The following FHIP2B variants were observed in gnomAD, a reference collection of about 807,000 sequenced individuals.
FHIP2B encodes the protein FHF complex subunit HOOK interacting protein 2B, also known as FHF complex subunit HOOK-interacting protein 2B.
FHIP2B carries 72 observed loss-of-function variants against 84.0 expected under a neutral mutation model. The ratio of observed to expected loss-of-function variants is 0.86; its 90% CI spans 0.71 to 1.04. FHIP2B has a LOEUF of 1.04. Ranked by LOEUF, FHIP2B falls within the 50% of genes least tolerant of loss-of-function variation. The pLI, the probability that FHIP2B is intolerant of heterozygous loss-of-function variation, is 0.00. For missense variants in FHIP2B, 972 were observed against 968.9 expected (o/e 1.00, Z -0.04); for synonymous variants, 497 against 418.7 (o/e 1.19, Z -2.28).
rs1337744694 is a variant in FHIP2B at position 22,101,049 on chromosome 8, T to C, written c.1616+77T>C. ...TTTATTTTTTGAGATAGAGTCTCGC[T>C]CCGTCACCCAGGATGGAGTGCAGTG... On this transcript the variant is annotated intron_variant, in intron 12 of 16. Transcript: ENST00000289921. 3 of 1,506,742 alleles carry C rather than the reference T, an allele frequency of 2.0e-6. No homozygotes were observed. The East Asian group carries it at 7.4e-5, about 37-fold the overall frequency. The allele number at this position is 1,506,742 out of a possible 1,614,324, so 93.3% of individuals were successfully genotyped here.
At position 22,104,862 on chromosome 8, in the gene FHIP2B, G is replaced by A. The variant is rs1339322456; in HGVS notation, c.*1931G>A. On this transcript the variant is annotated 3_prime_UTR_variant, in exon 17 of 17. Coordinates refer to ENST00000289921, the MANE Select transcript of FHIP2B (RefSeq NM_022749.7). ...AAAAAAAAAAAAATTTCACAGGTGT[G>A]TTCTCAGGGAAAAAGAAAAGTTAAC... 6.8e-6 allele frequency: 1 copy of A among 147,080 alleles called. No individual in the cohort carries two copies. The highest frequency in any genetic ancestry group is 1.5e-5 in the Non-Finnish European group (1 of 66,608). The allele number at this position is 147,080 out of a possible 1,614,324, so 9.1% of individuals were successfully genotyped here.
intron 1 of FHIP2B, 127 bp downstream of exon 1, chr8:22,089,425 G>A: frequency 5.0e-6 from 2 of 397,676 alleles, no homozygotes; most frequent in Non-Finnish European, 6.8e-6. Context: ...AGGGACCCCC[G>A]GGCCGCGGCG....
At chr8:22,095,674 CT>C (rs2131697691) in intron 2 of FHIP2B, 2 of 152,366 alleles carry the variant, frequency 1.3e-5, no homozygotes, top group East Asian at 3.9e-4. Flanking sequence ...CCTACTCAAG[CT>C]CCTGTTCCTT....
Position 22,100,830 on chromosome 8 carries a change from T to C in FHIP2B, c.1488-14T>C, listed in dbSNP as rs1485394583. 3 of 1,613,736 alleles carry C rather than the reference T, an allele frequency of 1.9e-6. No individual in the cohort carries two copies. Among genetic ancestry groups the C allele is most frequent in the Non-Finnish European group, 2.5e-6 (3 of 1,179,898 alleles). ...TTCATTCACTGGTGCCGTACTGCTCTGCCCTGGCCACAGAGACCTGGAGGA... is the reference window on the plus strand; with the variant it reads ...TTCATTCACTGGTGCCGTACTGCTCCGCCCTGGCCACAGAGACCTGGAGGA... On this transcript the variant is annotated splice_polypyrimidine_tract_variant and intron_variant, in intron 11 of 16. Transcript: ENST00000289921.
rs746189954 is a variant in FHIP2B at position 22,102,771 on chromosome 8, C to T, written c.2094-22C>T. The T allele has an allele frequency of 6.8e-6, 11 of 1,611,674 alleles. No homozygotes were observed. The Admixed American group carries it at 1.8e-4, about 27-fold the overall frequency. On this transcript the variant is annotated intron_variant, in intron 16 of 16. Coordinates refer to ENST00000289921, the MANE Select transcript of FHIP2B (RefSeq NM_022749.7). ...CAGTCCTGCCCCCACCCAGCCATGC[C>T]CCCTGTGCCATCTCCCCTCAGGCTG...
intron 1 of FHIP2B, chr8:22,089,773 C>T: frequency 7.8e-7 from 1 of 1,285,748 alleles, no homozygotes; most frequent in Non-Finnish European, 1.0e-6. Context: ...AACTCCAGGA[C>T]CTTGTTGGGG....
At position 22,098,193 on chromosome 8, in the gene FHIP2B, G is replaced by C; in HGVS notation, c.651G>C (p.Gly217=). The change falls in exon 6 of 17, where the codon GGG becomes GGC. Residue 217 remains glycine, a synonymous_variant. Transcript: ENST00000289921. ...CTCCTGCCAGGCCCCAGCTGGACGG[G>C]GAGTCCTGTGGGGCCCAGGCCTTGA... ...DGAPARPQLD[G]ESCGAQALNS... 1.3e-6 allele frequency: 2 copies of C among 1,578,558 alleles called. No individual in the cohort carries two copies. Among genetic ancestry groups the C allele is most frequent in the Non-Finnish European group, 1.7e-6 (2 of 1,162,838 alleles).
chr8:22,102,398 G>T, intron 15 of FHIP2B, 83 bp downstream of exon 15: 3 of 1,450,642 alleles, frequency 2.1e-6, no homozygotes, highest in Non-Finnish European at 2.8e-6. Flanking sequence ...GTGGTTGGGG[G>T]CTGGAGGGGT....
Position 22,101,133 on chromosome 8 carries a change from G to A in FHIP2B, c.1616+161G>A. The A allele has an allele frequency of 6.6e-6, 6 of 909,102 alleles. No individual in the cohort carries two copies. The South Asian group carries it at 8.8e-5, about 13-fold the overall frequency. 56.3% of individuals were successfully genotyped at this position (909,102 alleles called of 1,614,324 possible). The stretch of plus-strand genomic sequence containing the variant: ...CGGGTTCCGGATCCAAGCGATTCCT[G>A]TGCCTCAGCCTCCCGAGTACCTGGG... On this transcript the variant is annotated intron_variant, in intron 12 of 16. Coordinates refer to ENST00000289921, the MANE Select transcript of FHIP2B (RefSeq NM_022749.7).
chr8:22,099,295 C>G lies in FHIP2B; in HGVS notation c.1086C>G (p.Asp362Glu). 2.5e-6 allele frequency: 4 copies of G among 1,613,722 alleles called. No individual in the cohort carries two copies. The highest frequency in any genetic ancestry group is 3.4e-6 in the Non-Finnish European group (4 of 1,179,836). ...LITEAHTVVA[D>E]ALAKAVAENF... ...TCTCTGGCACCCAGGTGGTTGCGGACGCCTTGGCGAAGGCTGTGGCTGAGA... is the reference window on the plus strand; with the variant it reads ...TCTCTGGCACCCAGGTGGTTGCGGAGGCCTTGGCGAAGGCTGTGGCTGAGA... The change falls in exon 9 of 17, where the codon GAC becomes GAG. Residue 362 changes from aspartate to glutamate, a missense_variant. Transcript: ENST00000289921.
chr8:22,101,732 G>A lies in FHIP2B; in HGVS notation c.1732G>A (p.Ala578Thr), dbSNP rs1269931842. ...GLFQECSSRV[A>T]SWGWPLTPTP... Reference sequence around the variant, plus strand: ...GTTCCAGGAGTGCAGCTCCCGCGTCGCCTCCTGGGGCTGGCCTCTGACCCC... The same window carrying A: ...GTTCCAGGAGTGCAGCTCCCGCGTCACCTCCTGGGGCTGGCCTCTGACCCC... Residue 578 changes from alanine (A) to threonine (T), a missense_variant, in exon 14 of 17, where the codon GCC (alanine) becomes ACC (threonine). Physicochemically the swap from Ala to Thr is moderately conservative, Grantham distance 58 (BLOSUM62 0). Transcript: ENST00000289921. 8 of 1,612,410 alleles carry A rather than the reference G, an allele frequency of 5.0e-6. No homozygotes were observed. The highest frequency in any genetic ancestry group is 2.2e-5 in the South Asian group (2 of 90,842).
At chr8:22,100,144 C>A (rs1586340238) in intron 10 of FHIP2B, 1 of 473,836 alleles carries the variant, frequency 2.1e-6, no homozygotes, top group East Asian at 4.1e-5. Flanking sequence ...TCATAACTCA[C>A]TGCAGTCTCC....
rs975145305 is a variant in FHIP2B, at chr8:22,102,838, G to A, written c.2139G>A (p.Glu713=). The A allele has an allele frequency of 5.6e-6, 9 of 1,613,624 alleles. No homozygotes were observed. The African/African-American group carries it at 6.7e-5, about 12-fold the overall frequency. ...TLLQGVVVLE[E]FCKELAAIAF... is the part of the protein sequence containing the mutation. ...TCCAGGGCGTGGTGGTGCTGGAGGAGTTCTGCAAGGAGCTGGCTGCCATTG... is the reference window on the plus strand; with the variant it reads ...TCCAGGGCGTGGTGGTGCTGGAGGAATTCTGCAAGGAGCTGGCTGCCATTG... The change falls in exon 17 of 17, where the codon GAG becomes GAA. Residue 713 remains glutamate (E), a synonymous_variant. Coordinates refer to ENST00000289921, the MANE Select transcript of FHIP2B (RefSeq NM_022749.7).
Position 22,098,196 on chromosome 8 carries a change from G to C in FHIP2B, c.654G>C (p.Glu218Asp), listed in dbSNP as rs1408837212. 12 of 1,579,254 alleles carry C rather than the reference G, an allele frequency of 7.6e-6. No homozygotes were observed. The highest frequency in any genetic ancestry group is 1.0e-5 in the Non-Finnish European group (12 of 1,163,272). The stretch of plus-strand genomic sequence containing the variant: ...CTGCCAGGCCCCAGCTGGACGGGGA[G>C]TCCTGTGGGGCCCAGGCCTTGAACA... Reference protein sequence around the residue: ...GAPARPQLDGESCGAQALNSH... With the variant: ...GAPARPQLDGDSCGAQALNSH... Residue 218 changes from glutamate (E) to aspartate (D), a missense_variant, in exon 6 of 17, where the codon GAG becomes GAC. Physicochemically the swap from Glu to Asp is conservative, Grantham distance 45. Coordinates refer to ENST00000289921, the MANE Select transcript of FHIP2B (RefSeq NM_022749.7).
intron 10 of FHIP2B, 171 bp downstream of exon 10, chr8:22,100,064 CTTT>C (rs33935872): frequency 0.037 from 17,573 of 479,014 alleles, no homozygotes; most frequent in East Asian, 0.082. Context: ...TGATCATATA[CTTT>C]TTTTTTTTTT....
At chr8:22,102,351 G>A in intron 15 of FHIP2B, 36 bp downstream of exon 15, 1 of 1,607,486 alleles carries the variant, frequency 6.2e-7, no homozygotes, top group Non-Finnish European at 8.5e-7. Flanking sequence ...TGTGCCTAGT[G>A]AGGTGGAGGG....
At chr8:22,092,270 C>T (rs978408543) in intron 1 of FHIP2B, among the ~76,000 whole-genome samples, 14 of 152,186 alleles carry the variant, frequency 9.2e-5, no homozygotes, top group African/African-American at 3.4e-4. Context: ...GATGAGTCTT[C>T]CGAAAACACT....
chr8:22,102,621 G>T lies in FHIP2B; in HGVS notation c.2086G>T (p.Gly696Trp). ...CAAGCAGTTGACGGGCCAGGCTCCT[G>T]GGGAGCAGTGAGTACCAAGGGTGCC... ...VRKQLTGQAP[G>W]EQLDHQTLLQ... Residue 696 changes from glycine to tryptophan, a missense_variant, in exon 16 of 17, where the codon GGG becomes TGG. Coordinates refer to ENST00000289921, the MANE Select transcript of FHIP2B (RefSeq NM_022749.7). The T allele has an allele frequency of 6.4e-7, 1 of 1,562,632 alleles. No individual in the cohort carries two copies. Among genetic ancestry groups the T allele is most frequent in the South Asian group, 1.2e-5 (1 of 84,964 alleles).
intron 10 of FHIP2B, 182 bp downstream of exon 10, chr8:22,100,075 T>G: frequency 1.5e-6 from 1 of 646,478 alleles, no homozygotes; most frequent in Non-Finnish European, 2.4e-6. Flanking sequence ...TTTTTTTTTT[T>G]TTTTTTAAAG....
Sources: allele counts gnomAD v4.1 joint callset (sites outside exome capture counted in the v4.1 genomes callset), GRCh38; gene constraint gnomAD v4.1.1; transcripts MANE v1.5; gene names NCBI Gene and HGNC (gene_info 2026-07-23, HGNC 2026-07-21).